The following GRM7 variants were observed in gnomAD, a reference collection of about 807,000 sequenced individuals.
GRM7 encodes metabotropic glutamate receptor 7.
In GRM7, 35 loss-of-function variants were observed where a neutral mutation model predicts 84.5. That is an observed-to-expected ratio of 0.41 (90% CI 0.32 to 0.55). GRM7 has a LOEUF of 0.55. Among genes scored for constraint, GRM7 ranks in the 20% least tolerant of loss-of-function variants. The pLI, the probability that GRM7 is intolerant of heterozygous loss-of-function variation, is 0.19. For missense variants in GRM7, 1,003 were observed against 1,194.6 expected, an observed-to-expected ratio of 0.84 and a Z score of 2.36; for synonymous variants, 487 against 455.1, an observed-to-expected ratio of 1.07 and a Z score of -0.89.
At chr3:7,342,443 C>T (rs770689442) in intron 4 of GRM7, among the ~76,000 whole-genome samples, 7 of 152,144 alleles carry the variant, frequency 4.6e-5, no homozygotes, top group Non-Finnish European at 8.8e-5. Context: ...GTGCTGTTTC[C>T]TGCTGCATCT....
chr3:7,090,810 G>A (rs73115042), intron 1 of GRM7, among the ~76,000 whole-genome samples: 9,877 of 152,194 alleles, frequency 0.065, 349 homozygotes, highest in Middle Eastern at 0.11. Context: ...TCATACATGG[G>A]TTGTTAACTC....
At chr3:7,438,496 A>G (rs902384014) in intron 5 of GRM7, among the ~76,000 whole-genome samples, 2 of 152,036 alleles carry the variant, frequency 1.3e-5, no homozygotes, top group Non-Finnish European at 2.9e-5. Flanking sequence ...TGATGTCCAA[A>G]AGTGCCAGAA....
chr3:7,585,510 T>C (rs747201467), intron 8 of GRM7, among the ~76,000 whole-genome samples: 4 of 152,178 alleles, frequency 2.6e-5, no homozygotes, highest in Non-Finnish European at 5.9e-5. Context: ...GAGCTAAAAC[T>C]AATAAGGGAA....
intron 1 of GRM7, among the ~76,000 whole-genome samples, chr3:6,870,433 G>A (rs1574948550): frequency 6.6e-6 from 1 of 152,162 alleles, no homozygotes; most frequent in East Asian, 1.9e-4. Context: ...GCTGAGTAGA[G>A]TCAATGAGGA....
intron 1 of GRM7, among the ~76,000 whole-genome samples, chr3:7,011,974 C>T (rs6792059): frequency 0.013 from 2,026 of 152,182 alleles, 54 homozygotes; most frequent in African/African-American, 0.047. Context: ...GAGTGTTCTT[C>T]TCAAATAAAA....
At chr3:7,324,481 C>T (rs1700906315) in intron 4 of GRM7, among the ~76,000 whole-genome samples, 1 of 152,176 alleles carries the variant, frequency 6.6e-6, no homozygotes, top group Admixed American at 6.6e-5. Flanking sequence ...CTGTTAGTCA[C>T]AGCTTACAAA....
At chr3:7,115,884 C>T (rs181319345) in intron 1 of GRM7, among the ~76,000 whole-genome samples, 65 of 152,252 alleles carry the variant, frequency 4.3e-4, no homozygotes, top group African/African-American at 1.6e-3. Context: ...TTTCACAAAT[C>T]AACAACCTGG....
chr3:7,384,674 A>T (rs900623210), intron 4 of GRM7, among the ~76,000 whole-genome samples: 8 of 152,266 alleles, frequency 5.3e-5, no homozygotes, highest in African/African-American at 1.9e-4. Flanking sequence ...CATTTAGAGC[A>T]CCTTAAGTTG....
intron 4 of GRM7, among the ~76,000 whole-genome samples, chr3:7,338,421 A>G (rs189704262): frequency 8.5e-5 from 13 of 152,192 alleles, no homozygotes; most frequent in Non-Finnish European, 1.8e-4. Context: ...TGGGTATACT[A>G]AAATCTCAGA....
At chr3:7,271,729 C>A (rs1698872518) in intron 2 of GRM7, among the ~76,000 whole-genome samples, 1 of 152,098 alleles carries the variant, frequency 6.6e-6, no homozygotes, top group East Asian at 1.9e-4. Flanking sequence ...AGGCTGATAT[C>A]TTTGGATTAA....
intron 5 of GRM7, among the ~76,000 whole-genome samples, chr3:7,435,575 C>T (rs947001629): frequency 6.6e-6 from 1 of 151,878 alleles, no homozygotes; most frequent in Admixed American, 6.6e-5. Flanking sequence ...TACAATGGCA[C>T]GATCTCAGCT....
At chr3:7,001,366 T>A (rs1018533492) in intron 1 of GRM7, among the ~76,000 whole-genome samples, 2 of 151,988 alleles carry the variant, frequency 1.3e-5, no homozygotes, top group Non-Finnish European at 2.9e-5. Context: ...TAAAAAAAAA[T>A]TAAAAATAAA....
intron 1 of GRM7, among the ~76,000 whole-genome samples, chr3:6,974,197 G>A (rs778644039): frequency 5.9e-5 from 9 of 152,170 alleles, no homozygotes; most frequent in Non-Finnish European, 1.0e-4. Flanking sequence ...AAAGCCACTG[G>A]CATATATGGA....
chr3:7,307,228 A>G (rs1002220400), intron 4 of GRM7, among the ~76,000 whole-genome samples: 2 of 152,216 alleles, frequency 1.3e-5, no homozygotes, highest in Admixed American at 6.5e-5. Context: ...TACTGCAAAG[A>G]TATTTTGAGA....
At chr3:7,201,191 G>A (rs1043101834) in intron 2 of GRM7, among the ~76,000 whole-genome samples, 7 of 151,846 alleles carry the variant, frequency 4.6e-5, no homozygotes, top group Non-Finnish European at 7.4e-5. Context: ...GGATGGTCTC[G>A]ATCTTCTGAC....
rs1026465805 is a variant in GRM7 at position 7,221,306 on chromosome 3, C to G, written c.736+74638C>G. On this transcript the variant is annotated intron_variant, in intron 2 of 9. Transcript: ENST00000357716. ...GAAGATTTTTAGTGTAATTTTTATT[C>G]TTATTTTCTTGCTATGACTAGAGTT... Among the ~76,000 whole-genome samples, 14 of 151,966 alleles carry G rather than the reference C, an allele frequency of 9.2e-5. No individual in the cohort carries two copies. The East Asian group carries it at 2.7e-3, about 29-fold the overall frequency.
At chr3:7,525,991 T>A (rs1700791707) in intron 7 of GRM7, among the ~76,000 whole-genome samples, 1 of 152,138 alleles carries the variant, frequency 6.6e-6, no homozygotes, top group African/African-American at 2.4e-5. Context: ...TTTAAGTCTT[T>A]GCTACTGTGA....
rs537470650 is a variant in GRM7 at position 7,149,004 on chromosome 3, T to C, written c.736+2336T>C. Among the ~76,000 whole-genome samples the C allele has an allele frequency of 2.0e-5, 3 of 152,312 alleles. No homozygotes were observed. In the South Asian group the frequency reaches 6.2e-4, roughly 32 times the overall value. ...TAAGTATTTAATAAGTATTCTTCTTTTATACATATTATAGTATTTGGCATG... is the reference window on the plus strand; with the variant it reads ...TAAGTATTTAATAAGTATTCTTCTTCTATACATATTATAGTATTTGGCATG... On this transcript the variant is annotated intron_variant, in intron 2 of 9. Transcript: ENST00000357716.
chr3:7,208,671 C>T (rs759523162), intron 2 of GRM7, among the ~76,000 whole-genome samples: 1 of 152,056 alleles, frequency 6.6e-6, no homozygotes, highest in Non-Finnish European at 1.5e-5. Context: ...GGGGTTCAGA[C>T]CATCATGGGT....
Sources: gnomAD v4.1 joint callset for allele counts (sites outside exome capture counted in the v4.1 genomes callset) on GRCh38, gnomAD v4.1.1 for gene constraint, MANE v1.5 for transcripts, NCBI Gene and HGNC (gene_info 2026-07-23, HGNC 2026-07-21) for gene names.